DENND6B: variants seen among roughly 807,000 people sequenced by gnomAD.
The protein encoded by DENND6B is protein DENND6B.
Under a neutral mutation model 85.1 loss-of-function variants are expected in DENND6B, and 73 were observed. The ratio of observed to expected loss-of-function variants is 0.86; its 90% CI spans 0.71 to 1.04. The LOEUF is 1.04. DENND6B is among the 50% of genes least tolerant of loss of function. The probability of loss-of-function intolerance (pLI) is 0.00; values close to 1 mark genes in which losing one functional copy is unlikely to be tolerated. For missense variants in DENND6B, 715 were observed against 785.8 expected, an observed-to-expected ratio of 0.91 and a Z score of 1.08; for synonymous variants, 357 against 329.3, an observed-to-expected ratio of 1.08 and a Z score of -0.91.
At chr22:50,315,823 C>G in intron 8 of DENND6B, 54 bp from the exon 9 acceptor site, 1 of 1,477,362 alleles carries the variant, frequency 6.8e-7, no homozygotes, top group South Asian at 1.4e-5. Flanking sequence ...ACCCCTTGGG[C>G]CCCAAGCAGC....
chr22:50,323,126 TAA>T (rs1426297592), intron 1 of DENND6B, among the ~76,000 whole-genome samples: 3 of 134,386 alleles, frequency 2.2e-5, no homozygotes, highest in Non-Finnish European at 4.7e-5. Context: ...CTCAGCCTCC[TAA>T]AGTGCTGGGA....
Position 50,312,032 on chromosome 22 carries a change from G to A in DENND6B, c.*107C>T, listed in dbSNP as rs146804745. On this transcript the variant is annotated 3_prime_UTR_variant, in exon 20 of 20. Transcript: ENST00000413817. ...AGGAAGGGGAGCCTGCAGTCTGGGC[G>A]GGGGGCCAAGGAAGGGGAGCGTGTG... 2.4e-5 allele frequency: 36 copies of A among 1,495,326 alleles called. No homozygotes were observed. Among genetic ancestry groups the A allele is most frequent in the Non-Finnish European group, 2.9e-5 (33 of 1,122,358 alleles). The allele number at this position is 1,495,326 out of a possible 1,614,324, so 92.6% of individuals were successfully genotyped here.
chr22:50,317,427 C>G (rs779217436), intron 4 of DENND6B, 54 bp from the exon 5 acceptor site: 5 of 1,601,282 alleles, frequency 3.1e-6, no homozygotes, highest in South Asian at 2.2e-5. Flanking sequence ...ACCTGGCCAG[C>G]CCCAGGGCTG....
intron 9 of DENND6B, 41 bp from the exon 10 acceptor site, chr22:50,314,962 TGA>T (rs1216124164): frequency 1.3e-6 from 2 of 1,598,762 alleles, no homozygotes; most frequent in South Asian, 2.2e-5. Context: ...AGGCAGGGGC[TGA>T]GACTCCTGGC....
intron 9 of DENND6B, 109 bp from the exon 10 acceptor site, chr22:50,315,030 G>C (rs1234240598): frequency 2.5e-5 from 37 of 1,464,470 alleles, no homozygotes; most frequent in Non-Finnish European, 3.3e-5. Flanking sequence ...GGTGAACACA[G>C]CACGCTGCTC....
chr22:50,312,546 G>A lies in DENND6B; in HGVS notation c.1537C>T (p.His513Tyr), dbSNP rs771688525. ...KEMALKLEAL[H>Y]LEAICEANIE... ...ACCGCCTCACAGATAGCCTCCAGGT[G>A]CAGGGCCTCCAGCTTCAGGGCCATC... Residue 513 changes from histidine (H) to tyrosine (Y), a missense_variant, in exon 18 of 20, where the codon CAC becomes TAC. Transcript: ENST00000413817. 1 of 1,594,608 alleles carries A rather than the reference G, an allele frequency of 6.3e-7. No individual in the cohort carries two copies. The highest frequency in any genetic ancestry group is 1.7e-5 in the Admixed American group (1 of 57,246).
rs1449875926 is a variant in DENND6B, at chr22:50,311,920, G to A, written c.*219C>T. ...GAGGCCAGGTGGGACCCAGGAGGAG[G>A]CAAGGCTCTGCCTGCGAGGAACCCC... is the stretch of plus-strand genomic sequence containing the variant. On this transcript the variant is annotated 3_prime_UTR_variant, in exon 20 of 20. Transcript: ENST00000413817. 3 of 766,640 alleles carry A rather than the reference G, an allele frequency of 3.9e-6. No homozygotes were observed. The highest frequency in any genetic ancestry group is 6.0e-6 in the Non-Finnish European group (3 of 496,502). The allele number at this position is 766,640 out of a possible 1,614,324, so 47.5% of individuals were successfully genotyped here. A position where few individuals can be genotyped will look rare whatever the true frequency, so the allele number is the denominator to read the frequency against.
At position 50,318,992 on chromosome 22, in the gene DENND6B, C is replaced by A. The variant is rs769676537; in HGVS notation, c.189G>T (p.Pro63=). The change falls in exon 2 of 20, where the codon CCG becomes CCT. Residue 63 remains proline (P), a synonymous_variant. Transcript: ENST00000413817. ...ELGQALELVY[P]NDFRLTDKEK... ...CCTTGTCTGTGAGCCGGAAGTCGTT[C>A]GGATACACCAGCTGCAGAGGAAGAC... 6.2e-7 allele frequency: 1 copy of A among 1,601,382 alleles called. No homozygotes were observed. Among genetic ancestry groups the A allele is most frequent in the Middle Eastern group, 1.7e-4 (1 of 6,052 alleles).
chr22:50,316,578 C>T, intron 5 of DENND6B, 103 bp from the exon 6 acceptor site: 1 of 1,543,696 alleles, frequency 6.5e-7, no homozygotes, highest in South Asian at 1.2e-5. Flanking sequence ...GGAGCTGGCC[C>T]AGGGTAGCAC....
intron 13 of DENND6B, 38 bp from the exon 14 acceptor site, chr22:50,313,916 G>A (rs748151678): frequency 3.8e-6 from 6 of 1,575,696 alleles, no homozygotes; most frequent in East Asian, 2.3e-5. Context: ...ACCCTTCAAG[G>A]GCCTCCCTCC....
In DENND6B at chr22:50,318,042, A is replaced by G. The variant is rs920162058; in HGVS notation, c.260-22T>C. The stretch of plus-strand genomic sequence containing the variant: ...CAGCCTAAGAAGGGGCAGCCCCACC[A>G]CACGGGTCAAGGCCGGGAGCCTCTT... On this transcript the variant is annotated intron_variant, in intron 3 of 19. Transcript: ENST00000413817. 17 of 1,610,130 alleles carry G rather than the reference A, an allele frequency of 1.1e-5. 1 individual carries two copies. Among genetic ancestry groups the G allele is most frequent in the Non-Finnish European group, 1.4e-5 (16 of 1,178,568 alleles).
At chr22:50,313,606 G>T in intron 15 of DENND6B, 29 bp downstream of exon 15, 1 of 961,912 alleles carries the variant, frequency 1.0e-6, no homozygotes, top group South Asian at 2.6e-5. Context: ...GTGCCCCCCA[G>T]TCCCATGTCC....
chr22:50,314,022 C>CT, intron 13 of DENND6B, 144 bp from the exon 14 acceptor site: 1 of 1,284,650 alleles, frequency 7.8e-7, no homozygotes, highest in African/African-American at 1.5e-5. Context: ...ACCCACCCAC[C>CT]CCCCAGACAC....
chr22:50,317,517 A>T, intron 4 of DENND6B, 144 bp from the exon 5 acceptor site: 1 of 920,120 alleles, frequency 1.1e-6, no homozygotes, highest in Non-Finnish European at 1.7e-6. Context: ...CTGTCCGTGC[A>T]CTCTGGCCAC....
chr22:50,319,478 A>G (rs904309463), intron 1 of DENND6B: 3 of 983,634 alleles, frequency 3.0e-6, no homozygotes, highest in African/African-American at 1.8e-5. Context: ...GCCCCTACCC[A>G]CCCGGACATC....
chr22:50,318,043 C>T (rs749593775), intron 3 of DENND6B, 23 bp from the exon 4 acceptor site: 4 of 1,610,434 alleles, frequency 2.5e-6, no homozygotes. Flanking sequence ...AGCCCCACCA[C>T]ACGGGTCAAG....
chr22:50,312,416 T>G lies in DENND6B; in HGVS notation c.1562A>C (p.Asn521Thr). The change falls in exon 19 of 20, where the codon AAC (asparagine) becomes ACC (threonine). Residue 521 changes from asparagine (N) to threonine (T), a missense_variant and splice_region_variant. Transcript: ENST00000413817. ...ALHLEAICEA[N>T]IETWMKDKSE... is the part of the protein sequence containing the mutation. ...CTTGTCTTTCATCCAGGTCTCGATG[T>G]TCTGCAGGGCAAGACGGGGTCTACT... The G allele has an allele frequency of 6.2e-7, 1 of 1,610,622 alleles. No individual in the cohort carries two copies. Among genetic ancestry groups the G allele is most frequent in the Non-Finnish European group, 8.5e-7 (1 of 1,178,896 alleles).
At position 50,316,276 on chromosome 22, in the gene DENND6B, C is replaced by T. The variant is rs368296173; in HGVS notation, c.560-23G>A. On this transcript the variant is annotated intron_variant, in intron 6 of 19. Transcript: ENST00000413817. Reference sequence around the variant, plus strand: ...ACACTGCGGATGCAGTAGCCCGCATCAGGACCCTCCCCAAGGAGAAGCTGC... The same window carrying T: ...ACACTGCGGATGCAGTAGCCCGCATTAGGACCCTCCCCAAGGAGAAGCTGC... 1.5e-4 allele frequency: 240 copies of T among 1,580,734 alleles called. No individual in the cohort carries two copies. The African/African-American group carries it at 2.6e-3, about 17-fold the overall frequency.
chr22:50,314,625 G>T lies in DENND6B; in HGVS notation c.957C>A (p.Phe319Leu). The T allele has an allele frequency of 1.3e-6, 2 of 1,564,930 alleles. No homozygotes were observed. Among genetic ancestry groups the T allele is most frequent in the Non-Finnish European group, 1.7e-6 (2 of 1,155,182 alleles). ...CTTACGGGGCCTGCGTGCGTGTGGT[G>T]AACTCCTTGAACTCGCTGTCATGGA... Reference protein sequence around the residue: ...FTIHDSEFKEFTTRTQAPPNV... With the variant: ...FTIHDSEFKELTTRTQAPPNV... The change falls in exon 11 of 20, where the codon TTC (phenylalanine) becomes TTA (leucine). Residue 319 changes from phenylalanine (F) to leucine (L), a missense_variant. Physicochemically the swap from Phe to Leu is conservative, Grantham distance 22. Coordinates refer to ENST00000413817, the MANE Select transcript of DENND6B (RefSeq NM_001001794.4).
Sources: allele counts gnomAD v4.1 joint callset (sites outside exome capture counted in the v4.1 genomes callset), GRCh38; gene constraint gnomAD v4.1.1; transcripts MANE v1.5; gene names NCBI Gene and HGNC (gene_info 2026-07-23, HGNC 2026-07-21).